AGBL1: variants seen among roughly 807,000 people sequenced by gnomAD.
AGBL1 encodes cytosolic carboxypeptidase 4.
A neutral mutation model predicts 118.9 loss-of-function variants in AGBL1; 130 were observed. The observed-to-expected ratio is 1.09, with a 90% confidence interval of 0.95 to 1.26. The LOEUF is 1.26. Among genes scored for constraint, AGBL1 ranks in the 50% most tolerant of loss-of-function variants. AGBL1 has a pLI of 0.00. For synonymous variants in AGBL1, 555 were observed against 478.9 expected (o/e 1.16, Z -2.08); for missense variants, 1,584 against 1,298.1 (o/e 1.22, Z -3.38).
intron 1 of AGBL1, among the ~76,000 whole-genome samples, chr15:86,111,603 T>G (rs567534298): frequency 1.3e-5 from 2 of 152,256 alleles, no homozygotes; most frequent in South Asian, 4.1e-4. Flanking sequence ...GGAAAAGAAG[T>G]GACAATTTGA....
chr15:86,408,350 A>G (rs915396346), intron 18 of AGBL1, among the ~76,000 whole-genome samples: 1 of 152,168 alleles, frequency 6.6e-6, no homozygotes, highest in Admixed American at 6.6e-5. Flanking sequence ...CCTTTCAGGC[A>G]CAGGCTAGGG....
intron 22 of AGBL1, among the ~76,000 whole-genome samples, chr15:86,769,712 A>G (rs1406039461): frequency 6.6e-6 from 1 of 152,018 alleles, no homozygotes; most frequent in Non-Finnish European, 1.5e-5. Context: ...GGACTTTACT[A>G]GCAGGTGGAG....
intron 5 of AGBL1, among the ~76,000 whole-genome samples, chr15:86,224,219 C>T (rs962110730): frequency 2.0e-5 from 3 of 152,134 alleles, no homozygotes; most frequent in South Asian, 2.1e-4. Flanking sequence ...TTTTCCTTTG[C>T]CCTGTAGGTA....
At chr15:86,463,248 G>A (rs1596145437) in intron 18 of AGBL1, among the ~76,000 whole-genome samples, 1 of 150,022 alleles carries the variant, frequency 6.7e-6, no homozygotes, top group African/African-American at 2.4e-5. Context: ...TTTGAGAAGT[G>A]TCTGTTCATA....
intron 22 of AGBL1, among the ~76,000 whole-genome samples, chr15:86,806,829 TTAA>T (rs1357503216): frequency 6.7e-6 from 1 of 149,178 alleles, no homozygotes; most frequent in Admixed American, 6.7e-5. Flanking sequence ...AATATTATAA[TTAA>T]TAACTATTTT....
At chr15:86,282,780 A>G (rs560974613) in intron 16 of AGBL1, among the ~76,000 whole-genome samples, 6 of 152,318 alleles carry the variant, frequency 3.9e-5, no homozygotes, top group African/African-American at 1.4e-4. Flanking sequence ...CAAGGGGAGA[A>G]TTAACTGTAT....
chr15:86,687,637 A>G (rs1271872725), intron 22 of AGBL1, among the ~76,000 whole-genome samples: 3 of 152,228 alleles, frequency 2.0e-5, no homozygotes, highest in Non-Finnish European at 2.9e-5. Flanking sequence ...CAGAAGTATG[A>G]GTGCCATAAG....
intron 7 of AGBL1, among the ~76,000 whole-genome samples, chr15:86,253,151 G>A (rs1219725692): frequency 1.3e-5 from 2 of 152,198 alleles, no homozygotes; most frequent in African/African-American, 4.8e-5. Flanking sequence ...GTGAGTAAGG[G>A]TGGAGGCATG....
chr15:86,086,107 C>T (rs1895632625), intron 1 of AGBL1: 1 of 152,222 alleles, frequency 6.6e-6, no homozygotes, highest in South Asian at 2.1e-4. Context: ...CCCACGCCTA[C>T]AGCAGAAAGC....
chr15:86,172,470 G>A (rs2077429272), intron 5 of AGBL1, among the ~76,000 whole-genome samples: 1 of 152,066 alleles, frequency 6.6e-6, no homozygotes, highest in African/African-American at 2.4e-5. Context: ...CTATCTAACT[G>A]TGTTTGTACC....
At chr15:86,690,223 A>G (rs913849398) in intron 22 of AGBL1, among the ~76,000 whole-genome samples, 2 of 152,174 alleles carry the variant, frequency 1.3e-5, no homozygotes, top group African/African-American at 4.8e-5. Flanking sequence ...AGTCTTGCTT[A>G]TAGCAAGGAA....
chr15:86,655,232 A>G (rs2085443628), intron 21 of AGBL1, among the ~76,000 whole-genome samples: 2 of 152,076 alleles, frequency 1.3e-5, no homozygotes, highest in Admixed American at 1.3e-4. Flanking sequence ...CCTTCCTTTT[A>G]TTTCTGTTTA....
intron 3 of AGBL1, among the ~76,000 whole-genome samples, chr15:86,150,879 C>G (rs184012504): frequency 1.7e-4 from 26 of 152,134 alleles, no homozygotes; most frequent in Admixed American, 7.9e-4. Flanking sequence ...GAAATACTGG[C>G]AAACCGAATC....
At chr15:86,906,614 C>T (rs1202041373) in intron 22 of AGBL1, among the ~76,000 whole-genome samples, 1 of 152,130 alleles carries the variant, frequency 6.6e-6, no homozygotes, top group African/African-American at 2.4e-5. Context: ...GCATTCCAAT[C>T]CCACTCTTTC....
intron 18 of AGBL1, among the ~76,000 whole-genome samples, chr15:86,418,130 T>C (rs1418949488): frequency 2.0e-5 from 3 of 152,188 alleles, no homozygotes; most frequent in African/African-American, 7.2e-5. Flanking sequence ...CTAATTTACA[T>C]GGAAACTTCA....
At chr15:86,817,310 A>AG (rs1555453323) in intron 22 of AGBL1, among the ~76,000 whole-genome samples, 1 of 149,634 alleles carries the variant, frequency 6.7e-6, no homozygotes, top group Non-Finnish European at 1.5e-5. Flanking sequence ...AAAAAAAAAA[A>AG]CCACCAAACT....
At chr15:86,336,141 G>A (rs554809091) in intron 17 of AGBL1, among the ~76,000 whole-genome samples, 1 of 152,298 alleles carries the variant, frequency 6.6e-6, no homozygotes, top group Admixed American at 6.5e-5. Context: ...GTGATAGAGT[G>A]CCCTAGGCAT....
At chr15:86,488,412 A>G (rs1023901545) in intron 18 of AGBL1, among the ~76,000 whole-genome samples, 3 of 151,868 alleles carry the variant, frequency 2.0e-5, no homozygotes, top group African/African-American at 7.3e-5. Context: ...ACCCAGCTCC[A>G]GTCTTGTAAA....
intron 22 of AGBL1, among the ~76,000 whole-genome samples, chr15:86,828,279 T>A (rs749921159): frequency 9.2e-5 from 14 of 152,020 alleles, no homozygotes; most frequent in Non-Finnish European, 1.5e-4. Context: ...GATTTCTTGA[T>A]CATTCTGGCA....
Sources: gnomAD v4.1 joint callset for allele counts (sites outside exome capture counted in the v4.1 genomes callset) on GRCh38, gnomAD v4.1.1 for gene constraint, MANE v1.5 for transcripts, NCBI Gene and HGNC (gene_info 2026-07-23, HGNC 2026-07-21) for gene names.